The following KCNJ15 variants were observed in gnomAD, a reference collection of about 807,000 sequenced individuals.
The protein encoded by KCNJ15 is potassium inwardly rectifying channel subfamily J member 15.
Under a neutral mutation model 23.0 loss-of-function variants are expected in KCNJ15, and 14 were observed. That is an observed-to-expected ratio of 0.61 (90% CI 0.40 to 0.95). The LOEUF (loss-of-function observed/expected upper bound fraction) is 0.95, where lower values mean the gene tolerates loss of function less well. Ranked by LOEUF, KCNJ15 falls within the 40% of genes least tolerant of loss-of-function variation. KCNJ15 has a pLI of 0.00. For missense variants in KCNJ15, 388 were observed against 461.8 expected (o/e 0.84, Z 1.46); for synonymous variants, 185 against 183.2 (o/e 1.01, Z -0.08).
chr21:38,247,350 GTGGATGGATGGA>G (rs143175330), intron 1 of KCNJ15, among the ~76,000 whole-genome samples: 11 of 135,086 alleles, frequency 8.1e-5, no homozygotes, highest in African/African-American at 1.8e-4. Context: ...AGATGCATAG[GTGGATGGATGGA>G]TGGATGGATG....
At chr21:38,265,737 G>A (rs988193389) in intron 1 of KCNJ15, among the ~76,000 whole-genome samples, 4 of 152,198 alleles carry the variant, frequency 2.6e-5, no homozygotes, top group African/African-American at 9.6e-5. Flanking sequence ...AGACATGGAG[G>A]TAGAGAAACA....
chr21:38,234,263 T>C (rs534313328), intron 1 of KCNJ15, among the ~76,000 whole-genome samples: 3 of 152,326 alleles, frequency 2.0e-5, no homozygotes, highest in African/African-American at 7.2e-5. Context: ...CTTAAGACAT[T>C]GAGGGTTTCT....
rs1437143190 is a variant in KCNJ15 at position 38,302,585 on chromosome 21, A to T, written c.*2196A>T. The T allele has an allele frequency of 9.9e-5, 15 of 152,108 alleles. No homozygotes were observed. The highest frequency in any genetic ancestry group is 9.8e-4 in the Admixed American group (15 of 15,278). 9.4% of individuals were successfully genotyped at this position (152,108 alleles called of 1,614,324 possible). A position where few individuals can be genotyped will look rare whatever the true frequency, so the allele number is the denominator to read the frequency against. On this transcript the variant is annotated 3_prime_UTR_variant, in exon 3 of 3. Coordinates refer to ENST00000398938, the MANE Select transcript of KCNJ15 (RefSeq NM_170736.3). Reference sequence around the variant, plus strand: ...AGTGTAGTTAGATATTATCTCTTTTAGTTATTATACTTGCTATTTTTACTG... The same window carrying T: ...AGTGTAGTTAGATATTATCTCTTTTTGTTATTATACTTGCTATTTTTACTG...
chr21:38,244,119 A>T (rs537724496), intron 1 of KCNJ15, among the ~76,000 whole-genome samples: 1 of 149,792 alleles, frequency 6.7e-6, no homozygotes, highest in Non-Finnish European at 1.5e-5. Flanking sequence ...TCTCCTATTA[A>T]TTTTTTTTTT....
chr21:38,234,749 T>A (rs1978488570), intron 1 of KCNJ15, among the ~76,000 whole-genome samples: 1 of 152,198 alleles, frequency 6.6e-6, no homozygotes, highest in South Asian at 2.1e-4. Context: ...CAAATATGAG[T>A]TTATGCATAA....
chr21:38,259,683 C>G (rs1980679215), intron 1 of KCNJ15, among the ~76,000 whole-genome samples: 1 of 152,144 alleles, frequency 6.6e-6, no homozygotes, highest in African/African-American at 2.4e-5. Flanking sequence ...CTGTCCTTTA[C>G]CTTTATCTCA....
chr21:38,263,182 C>A (rs961691284), intron 1 of KCNJ15, among the ~76,000 whole-genome samples: 5 of 152,098 alleles, frequency 3.3e-5, no homozygotes, highest in African/African-American at 4.8e-5. Context: ...AGTCTCCACT[C>A]CATTGCCAGC....
At chr21:38,291,026 G>C (rs975818842) in intron 1 of KCNJ15, among the ~76,000 whole-genome samples, 1 of 72,434 alleles carries the variant, frequency 1.4e-5, no homozygotes, top group Non-Finnish European at 2.4e-5. Context: ...ACACACACAC[G>C]TATATATAGC....
intron 1 of KCNJ15, among the ~76,000 whole-genome samples, chr21:38,259,016 T>C (rs926594267): frequency 3.9e-5 from 6 of 152,030 alleles, no homozygotes; most frequent in Non-Finnish European, 7.4e-5. Context: ...TGTGTGTGTG[T>C]GTGTGTGCGC....
chr21:38,290,658 C>T (rs1984504391), intron 1 of KCNJ15, among the ~76,000 whole-genome samples: 1 of 152,094 alleles, frequency 6.6e-6, no homozygotes. Flanking sequence ...GGTTAAGTAG[C>T]TCAGGTGTGG....
intron 1 of KCNJ15, among the ~76,000 whole-genome samples, chr21:38,292,701 G>A (rs1292222286): frequency 6.6e-6 from 1 of 152,232 alleles, no homozygotes; most frequent in East Asian, 1.9e-4. Flanking sequence ...GGGTGCAGTG[G>A]CTCTCAACTG....
At chr21:38,280,965 G>C (rs112263882) in intron 1 of KCNJ15, among the ~76,000 whole-genome samples, 114 of 152,268 alleles carry the variant, frequency 7.5e-4, no homozygotes, top group African/African-American at 2.5e-3. Context: ...GTTCAGTACC[G>C]TGTTGTCCAG....
In KCNJ15 at chr21:38,299,556, G is replaced by A; in HGVS notation, c.295G>A (p.Glu99Lys). ...AFIHGDLEPG[E>K]PISNHTPCIM... ...TATTCATGGGGACTTAGAACCCGGT[G>A]AGCCCATTTCAAATCATACCCCCTG... Residue 99 changes from glutamate (E) to lysine (K), a missense_variant, in exon 3 of 3, where the codon GAG (glutamate) becomes AAG (lysine). By Grantham distance (56) the Glu-to-Lys change is moderately conservative. Transcript: ENST00000398938. This position sits in a 1 kb window ranked among gnomAD's most constrained non-coding sequence, Gnocchi z 4.5. The A allele has an allele frequency of 2.5e-6, 4 of 1,614,088 alleles. No individual in the cohort carries two copies. The highest frequency in any genetic ancestry group is 3.4e-6 in the Non-Finnish European group (4 of 1,180,026).
Position 38,260,883 on chromosome 21 carries a change from C to A in KCNJ15, c.-117+3698C>A, listed in dbSNP as rs117627918. Among the ~76,000 whole-genome samples the A allele has an allele frequency of 4.2e-3, 635 of 152,214 alleles. 2 individuals carry two copies. Among genetic ancestry groups the A allele is most frequent in the Non-Finnish European group, 7.7e-3 (524 of 67,988 alleles). ...CAGAGCAGTCTTAATGTGCAGGGAT[C>A]CGCATAGAACCAGCCAAGCAGGGCC... On this transcript the variant is annotated intron_variant, in intron 1 of 2. Transcript: ENST00000398938.
At chr21:38,255,075 T>G (rs549469681), upstream of KCNJ15, among the ~76,000 whole-genome samples, 4 of 152,194 alleles carry the variant, frequency 2.6e-5, no homozygotes, top group Admixed American at 2.6e-4. Flanking sequence ...GGAACACAGA[T>G]GGTAAATGGA....
intron 1 of KCNJ15, among the ~76,000 whole-genome samples, chr21:38,249,317 T>C (rs916505589): frequency 6.6e-6 from 1 of 152,196 alleles, no homozygotes; most frequent in Non-Finnish European, 1.5e-5. Flanking sequence ...CTAGGTGATA[T>C]ATGTTATTTA....
In KCNJ15 at chr21:38,303,088, C is replaced by A. The variant is rs1985911847; in HGVS notation, c.*2699C>A. 1.3e-5 allele frequency: 2 copies of A among 151,994 alleles called. No homozygotes were observed. The allele number at this position is 151,994 out of a possible 1,614,324, so 9.4% of individuals were successfully genotyped here. A position where few individuals can be genotyped will look rare whatever the true frequency, so the allele number is the denominator to read the frequency against. ...CCAATATATGTATAAGTCAACAAAT[C>A]ATATAATATTCAATAAATAGCTCTG... On this transcript the variant is annotated 3_prime_UTR_variant, in exon 3 of 3. Transcript: ENST00000398938.
chr21:38,298,060 A>T, intron 2 of KCNJ15: 1 of 152,206 alleles, frequency 6.6e-6, no homozygotes, highest in East Asian at 1.9e-4. Context: ...AGATTTTTTT[A>T]GTTCCTAAAA....
chr21:38,270,011 C>T (rs1367459760), intron 1 of KCNJ15, among the ~76,000 whole-genome samples: 2 of 152,196 alleles, frequency 1.3e-5, no homozygotes, highest in Non-Finnish European at 2.9e-5. Flanking sequence ...CTCCTGTATG[C>T]TTCCCCACTT....
Sources: allele counts gnomAD v4.1 joint callset (sites outside exome capture counted in the v4.1 genomes callset), GRCh38; gene constraint gnomAD v4.1.1; non-coding constraint Gnocchi (gnomAD v3.1); transcripts MANE v1.5; gene names NCBI Gene and HGNC (gene_info 2026-07-23, HGNC 2026-07-21).